The following RC3H2 variants were observed in gnomAD, a reference collection of about 807,000 sequenced individuals.
The protein encoded by RC3H2 is roquin-2.
RC3H2 carries 31 observed loss-of-function variants against 133.3 expected under a neutral mutation model. The ratio of observed to expected loss-of-function variants is 0.23; its 90% CI spans 0.17 to 0.31. RC3H2 has a LOEUF of 0.31. RC3H2 is among the 10% of genes least tolerant of loss of function. RC3H2 has a pLI of 1.00. For missense variants in RC3H2, 1,175 were observed against 1,437.2 expected (o/e 0.82, Z 2.95); for synonymous variants, 517 against 502.2 (o/e 1.03, Z -0.40).
At chr9:122,852,427 G>A (rs1333202861) in intron 18 of RC3H2, among the ~76,000 whole-genome samples, 8 of 146,630 alleles carry the variant, frequency 5.5e-5, no homozygotes, top group South Asian at 2.2e-4. Context: ...CCCCCCGCCT[G>A]GCCAGCCGCC....
intron 4 of RC3H2, among the ~76,000 whole-genome samples, chr9:122,886,184 C>T (rs932299955): frequency 6.6e-6 from 1 of 152,174 alleles, no homozygotes; most frequent in Non-Finnish European, 1.5e-5. Flanking sequence ...GCCACCGTGC[C>T]CAACCTAACG....
rs1172352791 is a variant in RC3H2, at chr9:122,879,790, G to C, written c.1177C>G (p.Gln393Glu). 2 of 1,613,170 alleles carry C rather than the reference G, an allele frequency of 1.2e-6. No homozygotes were observed. Among genetic ancestry groups the C allele is most frequent in the Admixed American group, 1.7e-5 (1 of 59,798 alleles). ...TVVHGLVDFIQNYSRKGHETP... is the reference protein window; with the variant it reads ...TVVHGLVDFIENYSRKGHETP... ...TCATGGCCTTTTCTACTATAATTTTGTATGAAGTCCACAAGGCCATGAACT... is the reference window on the plus strand; with the variant it reads ...TCATGGCCTTTTCTACTATAATTTTCTATGAAGTCCACAAGGCCATGAACT... Residue 393 changes from glutamine to glutamate, a missense_variant, in exon 8 of 21, where the codon CAA becomes GAA. Gln to Glu is a conservative substitution (Grantham distance 29). Transcript: ENST00000357244.
intron 10 of RC3H2, among the ~76,000 whole-genome samples, chr9:122,862,327 G>A (rs1830488516): frequency 6.6e-6 from 1 of 152,170 alleles, no homozygotes; most frequent in Non-Finnish European, 1.5e-5. Flanking sequence ...TCACATCCTA[G>A]TGAGCATGAG....
In RC3H2 at chr9:122,865,426, C is replaced by T; in HGVS notation, c.1557G>A (p.Glu519=). 1 of 1,614,240 alleles carries T rather than the reference C, an allele frequency of 6.2e-7. No homozygotes were observed. The highest frequency in any genetic ancestry group is 8.5e-7 in the Non-Finnish European group (1 of 1,180,042). ...RSTDSTLRAL[E]TVKKVGKVGA... The stretch of plus-strand genomic sequence containing the variant: ...CAACCTTTCCCACTTTCTTCACGGT[C>T]TCCAGAGCTCTTAAGGTACTGTCAG... The change falls in exon 10 of 21, where the codon GAG becomes GAA. Residue 519 remains glutamate (E), a synonymous_variant. Transcript: ENST00000357244.
chr9:122,875,082 C>T, intron 9 of RC3H2: 1 of 1,306,126 alleles, frequency 7.7e-7, no homozygotes. Context: ...GAATGTATTT[C>T]CTGGAGTCTC....
rs992713446 is a variant in RC3H2 at position 122,864,829 on chromosome 9, T to A, written c.1634+520A>T. Reference sequence around the variant, plus strand: ...TTAGTAGAGATGGGGTTTCACCATGTCAGCCAGGATGGTCTCGATCTCCAG... The same window carrying A: ...TTAGTAGAGATGGGGTTTCACCATGACAGCCAGGATGGTCTCGATCTCCAG... On this transcript the variant is annotated intron_variant, in intron 10 of 20. Transcript: ENST00000357244. Among the ~76,000 whole-genome samples the A allele has an allele frequency of 3.9e-5, 6 of 152,060 alleles. No individual in the cohort carries two copies. The East Asian group carries it at 9.7e-4, about 24-fold the overall frequency.
chr9:122,895,160 G>T (rs1832365147), intron 2 of RC3H2, among the ~76,000 whole-genome samples: 1 of 139,942 alleles, frequency 7.1e-6, no homozygotes, highest in Admixed American at 7.2e-5. Flanking sequence ...TGGTAGCTAG[G>T]TTTTTTTTTT....
At position 122,849,741 on chromosome 9, in the gene RC3H2, GA is replaced by G. The variant is rs779798284; in HGVS notation, c.3461del (p.Leu1154ProfsTer14). The G allele has an allele frequency of 6.2e-7, 1 of 1,609,562 alleles. No homozygotes were observed. The highest frequency in any genetic ancestry group is 8.5e-7 in the Non-Finnish European group (1 of 1,177,684). The part of the protein sequence containing the change: ...LPVSISNASC[L>X]PITTSVSAGN... ...CAGCACTGACAGATGTGGTGATGGG[GA>G]GGCAACTTGCATTGCTAATAGACAC... On this transcript the variant is annotated frameshift_variant, in exon 21 of 21. Coordinates refer to ENST00000357244, the MANE Select transcript of RC3H2 (RefSeq NM_001100588.3). LOFTEE classifies it high-confidence loss of function.
chr9:122,865,068 G>A (rs1386054907), intron 10 of RC3H2, among the ~76,000 whole-genome samples: 3 of 151,798 alleles, frequency 2.0e-5, no homozygotes, highest in African/African-American at 7.3e-5. Flanking sequence ...AAGAAAATAA[G>A]GTGTGAAAAA....
At position 122,892,981 on chromosome 9, in the gene RC3H2, T is replaced by G; in HGVS notation, c.277A>C (p.Lys93Gln). 6.2e-7 allele frequency: 1 copy of G among 1,612,628 alleles called. No individual in the cohort carries two copies. Among genetic ancestry groups the G allele is most frequent in the Non-Finnish European group, 8.5e-7 (1 of 1,179,906 alleles). ...SIKLSNLGEN[K>Q]HYEVAKKCVE... ...CATTTCTTTGCAACCTCATAGTGTT[T>G]ATTCTCACCTAGATTACTTAACTTA... Residue 93 changes from lysine to glutamine, a missense_variant, in exon 3 of 21, where the codon AAA becomes CAA. This residue lies in a region of RC3H2 where 30 missense variants were observed against 25.2 expected (regional missense o/e 1.19). Coordinates refer to ENST00000357244, the MANE Select transcript of RC3H2 (RefSeq NM_001100588.3).
intron 2 of RC3H2, among the ~76,000 whole-genome samples, chr9:122,894,969 C>T (rs1588112534): frequency 1.3e-5 from 2 of 152,286 alleles, no homozygotes; most frequent in South Asian, 4.1e-4. Context: ...TGGCAATATA[C>T]TTGGTATATC....
intron 13 of RC3H2, 28 bp from the exon 14 acceptor site, chr9:122,855,906 A>G (rs1830227754): frequency 1.3e-6 from 2 of 1,578,076 alleles, no homozygotes; most frequent in South Asian, 1.2e-5. Context: ...AATAAAGCCA[A>G]TTAGTAAGAA....
rs764596456 is a variant in RC3H2 at position 122,854,271 on chromosome 9, A to G, written c.2901-5T>C. 1 of 1,602,180 alleles carries G rather than the reference A, an allele frequency of 6.2e-7. No homozygotes were observed. The highest frequency in any genetic ancestry group is 8.5e-7 in the Non-Finnish European group (1 of 1,170,676). On this transcript the variant is annotated splice_region_variant and splice_polypyrimidine_tract_variant and intron_variant, in intron 16 of 20. Coordinates refer to ENST00000357244, the MANE Select transcript of RC3H2 (RefSeq NM_001100588.3). ...TCAGTAACAATGAATCTGTCCCTTT[A>G]AAGAGAAATATGTTTATTGTAATAA...
rs187780834 is a variant in RC3H2 at position 122,879,663 on chromosome 9, C to T, written c.1212+92G>A. 554 of 818,760 alleles carry T rather than the reference C, an allele frequency of 6.8e-4. 1 individual carries two copies. Among genetic ancestry groups the T allele is most frequent in the African/African-American group, 5.6e-3 (329 of 58,682 alleles). 50.7% of individuals were successfully genotyped at this position (818,760 alleles called of 1,614,324 possible). A position where few individuals can be genotyped will look rare whatever the true frequency, so the allele number is the denominator to read the frequency against. Reference sequence around the variant, plus strand: ...ATGATAGAAACTTATGAGTCACATACGGAGTCCAATTAACAAAACAGCTGG... The same window carrying T: ...ATGATAGAAACTTATGAGTCACATATGGAGTCCAATTAACAAAACAGCTGG... On this transcript the variant is annotated intron_variant, in intron 8 of 20. Coordinates refer to ENST00000357244, the MANE Select transcript of RC3H2 (RefSeq NM_001100588.3).
chr9:122,901,586 C>CTTTTTTT (rs11309716), intron 1 of RC3H2, among the ~76,000 whole-genome samples: 7 of 120,018 alleles, frequency 5.8e-5, no homozygotes, highest in Non-Finnish European at 6.8e-5. Flanking sequence ...CCAATGCATT[C>CTTTTTTT]TTTTTTTTTT....
intron 5 of RC3H2, 72 bp from the exon 6 acceptor site, chr9:122,880,866 T>C: frequency 9.1e-7 from 1 of 1,103,378 alleles, no homozygotes. Flanking sequence ...TTTATTCCTT[T>C]TTCAGGGAGG....
At chr9:122,886,313 C>T (rs1831911398) in intron 4 of RC3H2, among the ~76,000 whole-genome samples, 1 of 152,182 alleles carries the variant, frequency 6.6e-6, no homozygotes, top group Admixed American at 6.6e-5. Flanking sequence ...ACTTGATGGA[C>T]ATTCGGATTG....
At chr9:122,876,369 T>C (rs1831336831) in intron 9 of RC3H2, among the ~76,000 whole-genome samples, 1 of 152,168 alleles carries the variant, frequency 6.6e-6, no homozygotes, top group Non-Finnish European at 1.5e-5. Flanking sequence ...GGCTCACGTC[T>C]GTAATCCCAG....
rs778209263 is a variant in RC3H2 at position 122,855,813 on chromosome 9, A to C, written c.2520T>G (p.Ser840=). The C allele has an allele frequency of 1.9e-6, 3 of 1,613,834 alleles. No homozygotes were observed. In the East Asian group the frequency reaches 6.7e-5, roughly 36 times the overall value. The change falls in exon 14 of 21, where the codon TCT becomes TCG. Residue 840 remains serine, a synonymous_variant. Transcript: ENST00000357244. ...TTATACAGGAGCCTATGGTGCCACA[A>C]GACCAGGGAGAATAATGGGAAAGAT... ...EDHLSHYSPW[S]CGTIGSCINA...
Sources: allele counts gnomAD v4.1 joint callset (sites outside exome capture counted in the v4.1 genomes callset), GRCh38; gene constraint gnomAD v4.1.1; regional missense constraint gnomAD v4.1.1; transcripts MANE v1.5; gene names NCBI Gene and HGNC (gene_info 2026-07-23, HGNC 2026-07-21).